TUBA1C: variants seen among roughly 807,000 people sequenced by gnomAD.
TUBA1C encodes the protein tubulin alpha-1C chain.
A neutral mutation model predicts 34.9 loss-of-function variants in TUBA1C; 16 were observed. That is an observed-to-expected ratio of 0.46 (90% CI 0.31 to 0.70). The LOEUF (loss-of-function observed/expected upper bound fraction) is 0.70. Ranked by LOEUF, TUBA1C falls within the 30% of genes least tolerant of loss-of-function variation. TUBA1C has a pLI of 0.05. For missense variants in TUBA1C, 329 were observed against 587.3 expected, an observed-to-expected ratio of 0.56 and a Z score of 4.55; for synonymous variants, 177 against 215.9, an observed-to-expected ratio of 0.82 and a Z score of 1.58.
intron 1 of TUBA1C, among the ~76,000 whole-genome samples, chr12:49,238,190 G>A (rs1393637242): frequency 2.6e-5 from 4 of 151,916 alleles, no homozygotes; most frequent in African/African-American, 9.7e-5. Flanking sequence ...ATTGGGTATC[G>A]AACTGTGACT....
intron 1 of TUBA1C, chr12:49,234,196 C>T (rs868450362): frequency 5.2e-4 from 80 of 152,392 alleles, no homozygotes; most frequent in African/African-American, 1.7e-3. Context: ...CCTTGAAACG[C>T]AACCCCTAGC....
chr12:49,234,323 C>G (rs114216343), intron 1 of TUBA1C, among the ~76,000 whole-genome samples: 2,864 of 152,326 alleles, frequency 0.019, 85 homozygotes, highest in African/African-American at 0.065. Context: ...TCTCCTTTAG[C>G]ATTGTCTTAA....
At chr12:49,250,931 G>A (rs1385346632) in intron 1 of TUBA1C, among the ~76,000 whole-genome samples, 3 of 152,162 alleles carry the variant, frequency 2.0e-5, no homozygotes, top group African/African-American at 7.2e-5. Context: ...TTCCAGCTGG[G>A]CATGGTGGCT....
intron 1 of TUBA1C, among the ~76,000 whole-genome samples, chr12:49,238,132 C>A (rs1202123825): frequency 3.3e-5 from 5 of 151,748 alleles, no homozygotes; most frequent in Non-Finnish European, 7.4e-5. Flanking sequence ...AAAGTTCACT[C>A]CGGCAATGCA....
At chr12:49,264,895 C>A (rs1167173257), upstream of TUBA1C, 6 of 210,440 alleles carry the variant, frequency 2.9e-5, no homozygotes, top group Non-Finnish European at 5.3e-5. Context: ...CTCCTTCCGA[C>A]GAGTTTGGTT....
At chr12:49,251,252 G>T (rs1237479133) in intron 1 of TUBA1C, among the ~76,000 whole-genome samples, 3 of 152,106 alleles carry the variant, frequency 2.0e-5, no homozygotes, top group African/African-American at 7.2e-5. Context: ...CAAGAGCCCA[G>T]CCCAGATGGC....
intron 1 of TUBA1C, among the ~76,000 whole-genome samples, chr12:49,266,111 C>A (rs1474114420): frequency 2.7e-5 from 4 of 150,102 alleles, no homozygotes; most frequent in Admixed American, 1.3e-4. Context: ...GTCTGGACGA[C>A]AGAGCGAAAC....
chr12:49,264,906 T>G, upstream of TUBA1C: 1 of 320,548 alleles, frequency 3.1e-6, no homozygotes, highest in Non-Finnish European at 5.6e-6. Context: ...GAGTTTGGTT[T>G]GAACTTTTGA....
rs561383404 is a variant in TUBA1C, at chr12:49,245,576, C to A, written c.213+17410C>A. On this transcript the variant is annotated intron_variant, in intron 1 of 3. Transcript: ENST00000541364. ...TTGAGCTCTGATCACTGCACCCCAA[C>A]CTGGATGAAAAAAACCTGAGAAGCG... Among the ~76,000 whole-genome samples, 6 of 152,288 alleles carry A rather than the reference C, an allele frequency of 3.9e-5. No homozygotes were observed. The South Asian group carries it at 1.0e-3, about 26-fold the overall frequency.
chr12:49,249,341 C>A (rs1348738805), intron 1 of TUBA1C, among the ~76,000 whole-genome samples: 1 of 151,718 alleles, frequency 6.6e-6, no homozygotes, highest in African/African-American at 2.4e-5. Context: ...GCAGGAGAAT[C>A]ACTTGAACCC....
chr12:49,232,220 G>A (rs895201281), intron 1 of TUBA1C, among the ~76,000 whole-genome samples: 1 of 152,146 alleles, frequency 6.6e-6, no homozygotes. Context: ...CTGTGTGAAG[G>A]GAATGAAGCA....
intron 3 of TUBA1C, among the ~76,000 whole-genome samples, chr12:49,271,003 C>T (rs2335451): frequency 6.8e-6 from 1 of 148,108 alleles, no homozygotes; most frequent in East Asian, 1.9e-4. Flanking sequence ...ACAAAAAAAA[C>T]CCTAAGCTTT....
At chr12:49,257,053 G>T (rs1056147592) in intron 1 of TUBA1C, among the ~76,000 whole-genome samples, 2 of 150,836 alleles carry the variant, frequency 1.3e-5, no homozygotes, top group Non-Finnish European at 2.9e-5. Flanking sequence ...GGTGGTGGGC[G>T]CCTATAATCC....
chr12:49,256,358 T>G, intron 1 of TUBA1C: 1 of 438,100 alleles, frequency 2.3e-6, no homozygotes, highest in Non-Finnish European at 4.6e-6. Context: ...TGTTTCTTTG[T>G]TTTGAACAAA....
In TUBA1C at chr12:49,245,248, A is replaced by G. The variant is rs73112112; in HGVS notation, c.213+17082A>G. On this transcript the variant is annotated intron_variant, in intron 1 of 3. Coordinates refer to the TUBA1C transcript ENST00000541364. The stretch of plus-strand genomic sequence containing the variant: ...TCCCTAAAAAAAATTACAAAGGTGG[A>G]AAAAATTGACAAAAATGACCATTTC... Among the ~76,000 whole-genome samples the G allele has an allele frequency of 6.2e-3, 940 of 152,292 alleles. 21 individuals carry two copies. Among genetic ancestry groups the G allele is most frequent in the Non-Finnish European group, 4.9e-3 (336 of 68,020 alleles).
intron 1 of TUBA1C, among the ~76,000 whole-genome samples, chr12:49,230,896 T>C (rs1327966752): frequency 6.6e-6 from 1 of 152,164 alleles, no homozygotes; most frequent in Non-Finnish European, 1.5e-5. Flanking sequence ...TGTTTTGTCA[T>C]CTGGAAAATA....
chr12:49,248,659 C>T (rs1413710337), intron 1 of TUBA1C, among the ~76,000 whole-genome samples: 1 of 150,996 alleles, frequency 6.6e-6, no homozygotes. Context: ...GTCAGGAGAT[C>T]GAGACCATCC....
At chr12:49,257,654 C>T (rs959835703) in intron 1 of TUBA1C, among the ~76,000 whole-genome samples, 1 of 151,692 alleles carries the variant, frequency 6.6e-6, no homozygotes, top group Admixed American at 6.6e-5. Flanking sequence ...GTGGCGCACA[C>T]GGTAACCTCA....
intron 1 of TUBA1C, among the ~76,000 whole-genome samples, chr12:49,245,319 A>G (rs577942087): frequency 4.8e-4 from 73 of 152,302 alleles, no homozygotes; most frequent in Admixed American, 1.4e-3. Flanking sequence ...TCTGAGAAAC[A>G]GCCAGGCACG....
Sources: allele counts gnomAD v4.1 joint callset (sites outside exome capture counted in the v4.1 genomes callset), GRCh38; gene constraint gnomAD v4.1.1; transcripts MANE v1.5; gene names NCBI Gene and HGNC (gene_info 2026-07-23, HGNC 2026-07-21).